CEP128: variants seen among roughly 807,000 people sequenced by gnomAD.
CEP128 encodes centrosomal protein 128.
A neutral mutation model predicts 156.7 loss-of-function variants in CEP128; 132 were observed. The observed-to-expected ratio is 0.84, with a 90% CI of 0.73 to 0.97. The LOEUF is 0.97. Ranked by LOEUF, CEP128 falls within the 50% of genes least tolerant of loss-of-function variation. The pLI, the probability that CEP128 is intolerant of heterozygous loss-of-function variation, is 0.00. For synonymous variants in CEP128, 469 were observed against 448.9 expected (o/e 1.04, Z -0.57); for missense variants, 1,252 against 1,281.9 (o/e 0.98, Z 0.36).
intron 14 of CEP128, among the ~76,000 whole-genome samples, chr14:80,786,208 T>C (rs1299497064): frequency 1.3e-5 from 2 of 152,140 alleles, no homozygotes; most frequent in South Asian, 4.1e-4. Flanking sequence ...AAGATTTACA[T>C]GGAAGGACAG....
At chr14:80,923,804 C>T (rs1231914199) in intron 2 of CEP128, among the ~76,000 whole-genome samples, 2 of 152,200 alleles carry the variant, frequency 1.3e-5, no homozygotes, top group Admixed American at 6.5e-5. Flanking sequence ...CAAATCTCAT[C>T]TTAAATTGTA....
chr14:80,581,717 T>G (rs1369911074), intron 19 of CEP128, among the ~76,000 whole-genome samples: 2 of 152,126 alleles, frequency 1.3e-5, no homozygotes, highest in East Asian at 1.9e-4. Context: ...GCCAGTGTTT[T>G]GGGGTGTATT....
intron 2 of CEP128, among the ~76,000 whole-genome samples, chr14:80,951,330 G>A (rs182930650): frequency 8.2e-4 from 125 of 152,194 alleles, no homozygotes; most frequent in Admixed American, 2.0e-3. Flanking sequence ...AATGTATGGC[G>A]ATGGAAGCAT....
In CEP128 at chr14:80,541,443, T is replaced by TTAAAAAAA. The variant is rs1555372783; in HGVS notation, c.2881-10558_2881-10557insTTTTTTTA. 3.6e-3 allele frequency among the ~76,000 whole-genome samples: 390 copies of TTAAAAAAA among 109,842 alleles called. 2 individuals carry two copies. The highest frequency in any genetic ancestry group is 7.3e-3 in the South Asian group (24 of 3,282). The allele number at this position is 109,842 out of a possible 152,430, so 72.1% of individuals were successfully genotyped here. A position where few individuals can be genotyped will look rare whatever the true frequency, so the allele number is the denominator to read the frequency against. On this transcript the variant is annotated intron_variant, in intron 21 of 24. Transcript: ENST00000555265. ...CAGAAAGTGAAGCTAATGACTGTGT[T>TTAAAAAAA]AAAAAAAAAAAAAAAAAAAAAACCA... is the stretch of plus-strand genomic sequence containing the variant.
chr14:80,793,010 C>G lies in CEP128; in HGVS notation c.1310G>C (p.Arg437Pro). The change falls in exon 14 of 25, where the codon CGT (arginine) becomes CCT (proline). Residue 437 changes from arginine to proline, a missense_variant. Arg to Pro is a moderately radical substitution (Grantham distance 103). Transcript: ENST00000555265. Reference sequence around the variant, plus strand: ...TGAGATCTGAAGGTCAGCATGCTTACGCTCGGCCTCACATGTGTCAAAGTG... The same window carrying G: ...TGAGATCTGAAGGTCAGCATGCTTAGGCTCGGCCTCACATGTGTCAAAGTG... ...QNHFDTCEAE[R>P]KHADLQISEL... 1 of 1,614,182 alleles carries G rather than the reference C, an allele frequency of 6.2e-7. No individual in the cohort carries two copies. Among genetic ancestry groups the G allele is most frequent in the Non-Finnish European group, 8.5e-7 (1 of 1,180,026 alleles).
intron 9 of CEP128, among the ~76,000 whole-genome samples, chr14:80,846,624 A>C (rs1886615975): frequency 6.6e-6 from 1 of 152,208 alleles, no homozygotes; most frequent in Non-Finnish European, 1.5e-5. Flanking sequence ...GGAGAAAGAC[A>C]GTTAAAATGA....
chr14:80,608,728 A>C (rs1892882936), intron 19 of CEP128, among the ~76,000 whole-genome samples: 1 of 152,058 alleles, frequency 6.6e-6, no homozygotes, highest in Admixed American at 6.5e-5. Context: ...ACCCTGGCTA[A>C]CTCTTACTTG....
At chr14:80,844,759 C>A (rs879354574) in intron 9 of CEP128, among the ~76,000 whole-genome samples, 3 of 151,042 alleles carry the variant, frequency 2.0e-5, no homozygotes, top group Non-Finnish European at 4.4e-5. Context: ...TTGTTTTTTT[C>A]ATTTTTCTCT....
intron 19 of CEP128, among the ~76,000 whole-genome samples, chr14:80,608,332 G>A (rs1473949854): frequency 6.6e-6 from 1 of 152,186 alleles, no homozygotes; most frequent in Non-Finnish European, 1.5e-5. Context: ...CTAGAAAAGT[G>A]CTGGGCACAT....
intron 19 of CEP128, among the ~76,000 whole-genome samples, chr14:80,718,830 G>T (rs1449663842): frequency 6.6e-6 from 1 of 152,162 alleles, no homozygotes; most frequent in African/African-American, 2.4e-5. Flanking sequence ...AGGTACATGG[G>T]CTTAACACCA....
intron 9 of CEP128, among the ~76,000 whole-genome samples, chr14:80,853,982 TC>T (rs1429248757): frequency 2.1e-5 from 2 of 95,238 alleles, no homozygotes; most frequent in Admixed American, 2.1e-4. Context: ...AAAAAAAAAA[TC>T]CCCGGGGGGA....
At chr14:80,492,235 T>C (rs1403517150), downstream of CEP128, among the ~76,000 whole-genome samples, 1 of 152,206 alleles carries the variant, frequency 6.6e-6, no homozygotes, top group Non-Finnish European at 1.5e-5. Context: ...ATATATGAAG[T>C]ACATATAAAT....
chr14:80,786,600 C>A (rs1352102740), intron 14 of CEP128, among the ~76,000 whole-genome samples: 1 of 152,142 alleles, frequency 6.6e-6, no homozygotes, highest in African/African-American at 2.4e-5. Context: ...CAGTTGAGCT[C>A]TGACCAGAAA....
At chr14:80,512,728 G>C (rs1315445696) in intron 23 of CEP128, among the ~76,000 whole-genome samples, 1 of 151,146 alleles carries the variant, frequency 6.6e-6, no homozygotes, top group Non-Finnish European at 1.5e-5. Context: ...TTTATTTTTT[G>C]TGTATCCATT....
intron 13 of CEP128, among the ~76,000 whole-genome samples, chr14:80,796,102 T>C (rs1883456760): frequency 6.6e-6 from 1 of 152,126 alleles, no homozygotes; most frequent in Admixed American, 6.5e-5. Flanking sequence ...CAACCTTATT[T>C]CAGTTCACTT....
chr14:80,767,686 A>G (rs1900307386), intron 16 of CEP128, among the ~76,000 whole-genome samples: 1 of 152,152 alleles, frequency 6.6e-6, no homozygotes, highest in Admixed American at 6.5e-5. Flanking sequence ...CAGGAATATT[A>G]GGTGCCCCTT....
chr14:80,637,574 G>A (rs190553416), intron 19 of CEP128, among the ~76,000 whole-genome samples: 16 of 152,168 alleles, frequency 1.1e-4, no homozygotes, highest in Middle Eastern at 3.4e-3. Context: ...AAACTACTCC[G>A]GATAAGAACT....
At chr14:80,584,426 G>A (rs942072299) in intron 19 of CEP128, among the ~76,000 whole-genome samples, 1 of 152,124 alleles carries the variant, frequency 6.6e-6, no homozygotes, top group Non-Finnish European at 1.5e-5. Flanking sequence ...GATTACAGGT[G>A]TGAGCCACTG....
At chr14:80,481,418 G>A (rs1887050986) in intron 14 of CEP128, among the ~76,000 whole-genome samples, 2 of 152,178 alleles carry the variant, frequency 1.3e-5, no homozygotes, top group Non-Finnish European at 2.9e-5. Flanking sequence ...ACAACATGTG[G>A]CAGTTCTCAG....
Sources: allele counts gnomAD v4.1 joint callset (sites outside exome capture counted in the v4.1 genomes callset), GRCh38; gene constraint gnomAD v4.1.1; transcripts MANE v1.5; gene names NCBI Gene and HGNC (gene_info 2026-07-23, HGNC 2026-07-21).